The following GRIA4 variants were observed in gnomAD, a reference collection of about 807,000 sequenced individuals.
The protein encoded by GRIA4 is glutamate ionotropic receptor AMPA type subunit 4.
GRIA4 carries 34 observed loss-of-function variants against 104.0 expected under a neutral mutation model. The observed-to-expected ratio is 0.33, with a 90% CI of 0.25 to 0.44. The LOEUF (loss-of-function observed/expected upper bound fraction) is 0.44, where lower values mean the gene tolerates loss of function less well. Among genes scored for constraint, GRIA4 ranks in the 20% least tolerant of loss-of-function variants. The pLI is 1.00. For missense variants in GRIA4, 750 were observed against 1,096.5 expected (o/e 0.68, Z 4.46); for synonymous variants, 386 against 381.9 (o/e 1.01, Z -0.13).
At chr11:105,613,093 G>C (rs989155750) in intron 3 of GRIA4, 2 of 152,150 alleles carry the variant, frequency 1.3e-5, no homozygotes, top group East Asian at 3.9e-4. Context: ...AATCACATTA[G>C]GCTCCCATCC....
At chr11:105,638,160 A>G (rs1461118815) in intron 3 of GRIA4, among the ~76,000 whole-genome samples, 1 of 152,176 alleles carries the variant, frequency 6.6e-6, no homozygotes, top group Non-Finnish European at 1.5e-5. Context: ...GCGATTATGA[A>G]AAACTTCCCC....
At chr11:105,811,376 T>C (rs1943166226) in intron 4 of GRIA4, among the ~76,000 whole-genome samples, 1 of 152,266 alleles carries the variant, frequency 6.6e-6, no homozygotes, top group South Asian at 2.1e-4. Flanking sequence ...TTAGTTCCTT[T>C]TTCTCTCACC....
At chr11:105,643,970 C>T (rs771760096) in intron 3 of GRIA4, among the ~76,000 whole-genome samples, 14 of 152,158 alleles carry the variant, frequency 9.2e-5, no homozygotes, top group Admixed American at 2.6e-4. Flanking sequence ...CCACCTGCCT[C>T]GGCCTCCCAG....
rs1565338595 is a variant in GRIA4, at chr11:105,913,346, GT to G, written c.1269+2802del. 9.8e-6 allele frequency: 6 copies of G among 613,264 alleles called. No individual in the cohort carries two copies. The African/African-American group carries it at 1.2e-4, about 12-fold the overall frequency. The allele number at this position is 613,264 out of a possible 1,614,324, so 38.0% of individuals were successfully genotyped here. Reference sequence around the variant, plus strand: ...TGTAACAGTGTTGTATATCTACAATGTGATTTTCATTTTAATAATGAATTTA... The same window carrying G: ...TGTAACAGTGTTGTATATCTACAATGGATTTTCATTTTAATAATGAATTTA... On this transcript the variant is annotated intron_variant, in intron 10 of 16. Transcript: ENST00000282499.
intron 3 of GRIA4, chr11:105,706,176 G>A (rs537542895): frequency 1.3e-5 from 2 of 152,436 alleles, no homozygotes; most frequent in African/African-American, 4.8e-5. Context: ...CCAACATGAA[G>A]GGGATGGAAA....
intron 4 of GRIA4, among the ~76,000 whole-genome samples, chr11:105,768,245 A>G (rs1941044371): frequency 1.3e-5 from 2 of 152,142 alleles, no homozygotes; most frequent in Non-Finnish European, 2.9e-5. Context: ...AGTAAAACAT[A>G]TGCATGTGCC....
intron 14 of GRIA4, among the ~76,000 whole-genome samples, chr11:105,951,594 A>T (rs922774991): frequency 6.6e-6 from 1 of 152,218 alleles, no homozygotes; most frequent in Non-Finnish European, 1.5e-5. Flanking sequence ...GGTATGAAAT[A>T]TGAATAGTTG....
At chr11:105,678,787 A>C (rs1368458250) in intron 3 of GRIA4, among the ~76,000 whole-genome samples, 2 of 152,118 alleles carry the variant, frequency 1.3e-5, no homozygotes, top group African/African-American at 4.8e-5. Context: ...AATACCATTA[A>C]GGTAAAAGTA....
intron 4 of GRIA4, among the ~76,000 whole-genome samples, chr11:105,840,224 C>G (rs901788589): frequency 2.0e-5 from 3 of 151,992 alleles, no homozygotes; most frequent in African/African-American, 4.8e-5. Context: ...TTTTTTAGGC[C>G]ATACATTTTT....
intron 3 of GRIA4, among the ~76,000 whole-genome samples, chr11:105,688,120 CTATATCTA>C (rs1952944903): frequency 1.4e-4 from 10 of 71,272 alleles, no homozygotes; most frequent in African/African-American, 4.2e-4. Context: ...ATATCTATAT[CTATATCTA>C]TATCTATATC....
chr11:105,898,228 A>T, intron 6 of GRIA4, 41 bp from the exon 7 acceptor site: 1 of 1,073,512 alleles, frequency 9.3e-7, no homozygotes, highest in Non-Finnish European at 1.4e-6. Flanking sequence ...TGCCATGTAT[A>T]ATAAACTAAA....
intron 3 of GRIA4, among the ~76,000 whole-genome samples, chr11:105,620,301 T>C (rs946351911): frequency 6.9e-6 from 1 of 145,378 alleles, no homozygotes; most frequent in Non-Finnish European, 1.5e-5. Context: ...TTTTGTGATC[T>C]CAATTTTTAC....
intron 9 of GRIA4, 70 bp from the exon 10 acceptor site, chr11:105,910,365 T>C (rs1235874593): frequency 1.3e-6 from 1 of 774,474 alleles, no homozygotes; most frequent in Non-Finnish European, 2.3e-6. Flanking sequence ...TTCATACCCT[T>C]CATTTTTCTA....
chr11:105,684,179 C>T (rs968416756), intron 3 of GRIA4, among the ~76,000 whole-genome samples: 17 of 151,958 alleles, frequency 1.1e-4, no homozygotes, highest in Non-Finnish European at 2.4e-4. Flanking sequence ...GGGCCAAATG[C>T]ATATTCTTAA....
chr11:105,866,997 A>G (rs183614549), intron 5 of GRIA4, among the ~76,000 whole-genome samples: 208 of 152,242 alleles, frequency 1.4e-3, no homozygotes, highest in Middle Eastern at 6.8e-3. Flanking sequence ...CAGGTATCTT[A>G]AACTGCTTCT....
intron 3 of GRIA4, among the ~76,000 whole-genome samples, chr11:105,679,218 CT>C (rs1384454685): frequency 6.6e-6 from 1 of 152,088 alleles, no homozygotes; most frequent in Non-Finnish European, 1.5e-5. Flanking sequence ...TTATTAAGAT[CT>C]TCAGCTGATT....
At chr11:105,664,517 C>T (rs908978735) in intron 3 of GRIA4, among the ~76,000 whole-genome samples, 2 of 151,704 alleles carry the variant, frequency 1.3e-5, no homozygotes, top group Admixed American at 6.6e-5. Flanking sequence ...AAGGAGATAA[C>T]GTTAGTTCTA....
At chr11:105,731,029 G>A (rs1591157646) in intron 3 of GRIA4, among the ~76,000 whole-genome samples, 1 of 152,100 alleles carries the variant, frequency 6.6e-6, no homozygotes, top group East Asian at 1.9e-4. Context: ...AGACAAATGG[G>A]ATCTAACTAA....
At chr11:105,880,345 T>C (rs981331577) in intron 5 of GRIA4, among the ~76,000 whole-genome samples, 4 of 152,218 alleles carry the variant, frequency 2.6e-5, no homozygotes. Context: ...GAGAGAAGGA[T>C]ATACTCTACA....
Sources: allele counts gnomAD v4.1 joint callset (sites outside exome capture counted in the v4.1 genomes callset), GRCh38; gene constraint gnomAD v4.1.1; transcripts MANE v1.5; gene names NCBI Gene and HGNC (gene_info 2026-07-23, HGNC 2026-07-21).